Variants in TBCE observed in about 807,000 individuals in gnomAD.
TBCE encodes tubulin folding cofactor E.
Under a neutral mutation model 77.0 loss-of-function variants are expected in TBCE, and 53 were observed. That is an observed-to-expected ratio of 0.69 (90% CI 0.55 to 0.87). The LOEUF is 0.87. TBCE is among the 40% of genes least tolerant of loss of function. The pLI, the probability that TBCE is intolerant of heterozygous loss-of-function variation, is 0.00. For missense variants in TBCE, 624 were observed against 622.4 expected, an observed-to-expected ratio of 1.00 and a Z score of -0.03; for synonymous variants, 235 against 241.3, an observed-to-expected ratio of 0.97 and a Z score of 0.24.
chr1:235,369,505 C>CA (rs537407355), intron 1 of TBCE, among the ~76,000 whole-genome samples: 89 of 147,422 alleles, frequency 6.0e-4, no homozygotes, highest in Non-Finnish European at 1.1e-3. Flanking sequence ...GACTCTGTCT[C>CA]AAAAAAAACA....
intron 2 of TBCE, among the ~76,000 whole-genome samples, chr1:235,382,474 CTGT>C (rs1677739629): frequency 6.6e-6 from 1 of 152,128 alleles, no homozygotes; most frequent in Non-Finnish European, 1.5e-5. Context: ...TCTCCAGCAC[CTGT>C]TGTTTCCTGA....
At chr1:235,440,777 G>A (rs1038444749) in intron 13 of TBCE, 3 of 151,492 alleles carry the variant, frequency 2.0e-5, no homozygotes, top group Non-Finnish European at 4.4e-5. Context: ...GTAAGCTCTC[G>A]TCCCGAGGGC....
Position 235,448,598 on chromosome 1 carries a change from G to T in TBCE, c.1492-72G>T, listed in dbSNP as rs1682647838. ...GCTACTGCCTGGGGACGGGGTGGGG[G>T]AAGAGTATGTGTAGCATGCTTTATC... On this transcript the variant is annotated intron_variant, in intron 16 of 16. Transcript: ENST00000642610. 3 of 1,417,652 alleles carry T rather than the reference G, an allele frequency of 2.1e-6. No homozygotes were observed. The East Asian group carries it at 6.8e-5, about 32-fold the overall frequency. 87.8% of individuals were successfully genotyped at this position (1,417,652 alleles called of 1,614,324 possible).
chr1:235,373,205 T>C (rs1208898604), intron 1 of TBCE, among the ~76,000 whole-genome samples: 1 of 152,086 alleles, frequency 6.6e-6, no homozygotes, highest in Non-Finnish European at 1.5e-5. Flanking sequence ...ACAAATTATA[T>C]GTCTCAGTGG....
chr1:235,389,115 G>C (rs1678213669), intron 2 of TBCE, among the ~76,000 whole-genome samples: 1 of 152,218 alleles, frequency 6.6e-6, no homozygotes. Flanking sequence ...AATTCTTGAA[G>C]ACAGGGTGGC....
In TBCE at chr1:235,437,447, C is replaced by A. The variant is rs2102926203; in HGVS notation, c.1089C>A (p.Gly363=). The A allele has an allele frequency of 6.2e-7, 1 of 1,614,074 alleles. No homozygotes were observed. Among genetic ancestry groups the A allele is most frequent in the Non-Finnish European group, 8.5e-7 (1 of 1,180,020 alleles). The change falls in exon 12 of 17, where the codon GGC becomes GGA. Residue 363 remains glycine (G), a synonymous_variant. Transcript: ENST00000642610. Reference sequence around the variant, plus strand: ...GACTACTCATTATCGCCAGCATTGGCCAGCTGAAGACGCTGAACAAATGTG... The same window carrying A: ...GACTACTCATTATCGCCAGCATTGGACAGCTGAAGACGCTGAACAAATGTG... ...TARLLIIASI[G]QLKTLNKCEI... is the part of the protein sequence containing the mutation.
chr1:235,432,988 C>G, intron 7 of TBCE: 1 of 1,500,946 alleles, frequency 6.7e-7, no homozygotes, highest in Non-Finnish European at 8.9e-7. Flanking sequence ...TCTCGACATG[C>G]AGAAAGACGC....
chr1:235,420,215 G>A (rs1680321465), intron 5 of TBCE, among the ~76,000 whole-genome samples: 1 of 152,208 alleles, frequency 6.6e-6, no homozygotes, highest in South Asian at 2.1e-4. Context: ...AAGCCATCCA[G>A]TACAGATTGG....
rs751281957 is a variant in TBCE at position 235,434,186 on chromosome 1, A to G, written c.661-18A>G. On this transcript the variant is annotated intron_variant, in intron 7 of 16. Transcript: ENST00000642610. The stretch of plus-strand genomic sequence containing the variant: ...GCCAGCAGAGGCCGCCTGAGCCTGA[A>G]CCGAGTTTCTCTTCCAGGTGCTGCG... The G allele has an allele frequency of 6.2e-7, 1 of 1,613,936 alleles. No homozygotes were observed. The highest frequency in any genetic ancestry group is 2.2e-5 in the East Asian group (1 of 44,874).
intron 1 of TBCE, among the ~76,000 whole-genome samples, chr1:235,370,415 G>A (rs1239526856): frequency 2.0e-5 from 3 of 151,840 alleles, no homozygotes; most frequent in Admixed American, 6.6e-5. Context: ...ACCATGCCTG[G>A]CTAATTTTTG....
chr1:235,404,433 A>AT (rs1679301331), intron 3 of TBCE, among the ~76,000 whole-genome samples: 1 of 151,532 alleles, frequency 6.6e-6, no homozygotes, highest in African/African-American at 2.4e-5. Flanking sequence ...AAAAAAAAAA[A>AT]GATAGAAAAT....
At chr1:235,430,830 C>T in intron 7 of TBCE, 26 bp downstream of exon 7, 2 of 1,564,198 alleles carry the variant, frequency 1.3e-6, no homozygotes, top group South Asian at 2.2e-5. Flanking sequence ...TGTTTTATTA[C>T]ACATTAATAA....
chr1:235,439,282 G>C (rs1218177008), intron 13 of TBCE, among the ~76,000 whole-genome samples: 2 of 150,764 alleles, frequency 1.3e-5, no homozygotes, highest in African/African-American at 4.9e-5. Context: ...ACGAGGTCAG[G>C]AGATCGAGAC....
chr1:235,432,940 A>AT lies in TBCE; in HGVS notation c.661-1264_661-1263insT, dbSNP rs1223518947. ...AATTTTTTTTTTTGTAAAAAAAAAA[A>AT]ATTAGGCTCATGCGCAGTGTGGTGG... On this transcript the variant is annotated intron_variant, in intron 7 of 16. Transcript: ENST00000642610. The AT allele has an allele frequency of 1.1e-5, 14 of 1,278,890 alleles. No individual in the cohort carries two copies. In the East Asian group the frequency reaches 4.4e-4, roughly 40 times the overall value. The allele number at this position is 1,278,890 out of a possible 1,614,324, so 79.2% of individuals were successfully genotyped here. A position where few individuals can be genotyped will look rare whatever the true frequency, so the allele number is the denominator to read the frequency against.
At chr1:235,371,438 C>T (rs1475642997) in intron 1 of TBCE, among the ~76,000 whole-genome samples, 3 of 147,750 alleles carry the variant, frequency 2.0e-5, no homozygotes, top group Non-Finnish European at 4.5e-5. Flanking sequence ...TGCACTGACA[C>T]GATCTTGGCT....
At chr1:235,376,150 C>T (rs1448757898) in intron 1 of TBCE, among the ~76,000 whole-genome samples, 1 of 151,776 alleles carries the variant, frequency 6.6e-6, no homozygotes, top group Non-Finnish European at 1.5e-5. Flanking sequence ...GCACAGCATA[C>T]AGGTAGGAAT....
At chr1:235,420,568 C>G (rs1468232562) in intron 5 of TBCE, among the ~76,000 whole-genome samples, 1 of 151,488 alleles carries the variant, frequency 6.6e-6, no homozygotes, top group Non-Finnish European at 1.5e-5. Context: ...CTGCAACCTC[C>G]GCCTCCCGGG....
intron 2 of TBCE, among the ~76,000 whole-genome samples, chr1:235,397,385 G>A (rs1238783475): frequency 6.6e-6 from 1 of 152,052 alleles, no homozygotes; most frequent in South Asian, 2.1e-4. Context: ...GTATTTTTTA[G>A]TAGAGACAGG....
intron 1 of TBCE, among the ~76,000 whole-genome samples, chr1:235,369,922 C>G (rs1019349151): frequency 6.6e-6 from 1 of 151,984 alleles, no homozygotes; most frequent in African/African-American, 2.4e-5. Flanking sequence ...GATCTCATGT[C>G]GTTCTCATCT....
Sources: allele counts gnomAD v4.1 joint callset (sites outside exome capture counted in the v4.1 genomes callset), GRCh38; gene constraint gnomAD v4.1.1; transcripts MANE v1.5; gene names NCBI Gene and HGNC (gene_info 2026-07-23, HGNC 2026-07-21).